USP6NL: variants seen among roughly 807,000 people sequenced by gnomAD.
The protein encoded by USP6NL is USP6 N-terminal-like protein.
Under a neutral mutation model 61.9 loss-of-function variants are expected in USP6NL, and 26 were observed. That is an observed-to-expected ratio of 0.42 (90% CI 0.31 to 0.58). USP6NL has a LOEUF of 0.58. Ranked by LOEUF, USP6NL falls within the 20% of genes least tolerant of loss-of-function variation. The pLI is 0.16. For missense variants in USP6NL, 1,114 were observed against 1,034.3 expected, an observed-to-expected ratio of 1.08 and a Z score of -1.06; for synonymous variants, 432 against 390.1, an observed-to-expected ratio of 1.11 and a Z score of -1.27.
In USP6NL at chr10:11,495,687, G is replaced by A. The variant is rs888534649; in HGVS notation, c.385-2459C>T. The stretch of plus-strand genomic sequence containing the variant: ...ATTCTATACTTGTTTTATGGATGCA[G>A]TATCTATTTTTCTCTGAAGATATTA... On this transcript the variant is annotated intron_variant, in intron 7 of 14. Transcript: ENST00000609104. The surrounding 1 kb of genome is among the most constrained non-coding windows in gnomAD (Gnocchi z 4.6). Among the ~76,000 whole-genome samples, 1 of 152,142 alleles carries A rather than the reference G, an allele frequency of 6.6e-6. No homozygotes were observed. Among genetic ancestry groups the A allele is most frequent in the Non-Finnish European group, 1.5e-5 (1 of 68,026 alleles).
chr10:11,584,712 A>C (rs937145654), intron 2 of USP6NL, among the ~76,000 whole-genome samples: 1 of 152,190 alleles, frequency 6.6e-6, no homozygotes. Context: ...CGAGGCAGGC[A>C]GATCACTCGA....
chr10:11,608,306 G>T (rs766419506), intron 1 of USP6NL, among the ~76,000 whole-genome samples: 7 of 152,228 alleles, frequency 4.6e-5, no homozygotes, highest in Non-Finnish European at 7.3e-5. Context: ...TATGGATACA[G>T]ACGAGTAGAA....
At position 11,468,928 on chromosome 10, in the gene USP6NL, T is replaced by A. The variant is rs1832602380; in HGVS notation, c.1079-5079A>T. 6.6e-6 allele frequency among the ~76,000 whole-genome samples: 1 copy of A among 152,218 alleles called. No homozygotes were observed. The highest frequency in any genetic ancestry group is 1.5e-5 in the Non-Finnish European group (1 of 68,042). Reference sequence around the variant, plus strand: ...AAAATGCAAAGGTATGTGTCATACATACGTAGGAGATTTAATTTTTTAATA... The same window carrying A: ...AAAATGCAAAGGTATGTGTCATACAAACGTAGGAGATTTAATTTTTTAATA... On this transcript the variant is annotated intron_variant, in intron 14 of 14. Coordinates refer to ENST00000609104, the MANE Select transcript of USP6NL (RefSeq NM_014688.5). The surrounding 1 kb of genome is among the most constrained non-coding windows in gnomAD (Gnocchi z 4.5).
chr10:11,587,280 C>A lies in USP6NL; in HGVS notation c.4+10351G>T, dbSNP rs184155015. ...TGTTTTAAAATCGAAGATTCAAACA[C>A]CATGACCCCTAAAATATTTTAAGAA... On this transcript the variant is annotated intron_variant, in intron 2 of 14. Coordinates refer to ENST00000609104, the MANE Select transcript of USP6NL (RefSeq NM_014688.5). The surrounding 1 kb of genome is among the most constrained non-coding windows in gnomAD (Gnocchi z 4.5). Among the ~76,000 whole-genome samples, 147 of 152,252 alleles carry A rather than the reference C, an allele frequency of 9.7e-4. 1 individual carries two copies. The highest frequency in any genetic ancestry group is 6.5e-4 in the Non-Finnish European group (44 of 68,012).
intron 2 of USP6NL, among the ~76,000 whole-genome samples, chr10:11,565,936 T>C (rs374611979): frequency 7.9e-4 from 121 of 152,364 alleles, no homozygotes; most frequent in Admixed American, 1.8e-3. Flanking sequence ...ATTCTTACTC[T>C]TCAACCAGCA....
intron 1 of USP6NL, among the ~76,000 whole-genome samples, chr10:11,605,560 T>C (rs534017472): frequency 6.6e-6 from 1 of 152,310 alleles, no homozygotes; most frequent in South Asian, 2.1e-4. Context: ...AAAAATGTTA[T>C]AGCACTCTGG....
At position 11,462,969 on chromosome 10, in the gene USP6NL, A is replaced by G; in HGVS notation, c.1959T>C (p.Phe653=). ...PKHFPTANSS[F]ASPQFSPGTQ... The stretch of plus-strand genomic sequence containing the variant: ...TCCCAGGGCTAAACTGTGGAGAAGC[A>G]AAGCTGCTGTTGGCAGTAGGGAAGT... The change falls in exon 15 of 15, where the codon TTT becomes TTC. Residue 653 remains phenylalanine, a synonymous_variant. Coordinates refer to ENST00000609104, the MANE Select transcript of USP6NL (RefSeq NM_014688.5). 6.2e-7 allele frequency: 1 copy of G among 1,613,870 alleles called. No homozygotes were observed. The highest frequency in any genetic ancestry group is 8.5e-7 in the Non-Finnish European group (1 of 1,179,828).
intron 2 of USP6NL, among the ~76,000 whole-genome samples, chr10:11,588,821 T>C (rs1052469755): frequency 6.6e-6 from 1 of 152,224 alleles, no homozygotes; most frequent in East Asian, 1.9e-4. Context: ...CTTTTATTTT[T>C]AAGCACAGAG....
At chr10:11,530,761 G>C (rs752132414) in intron 2 of USP6NL, among the ~76,000 whole-genome samples, 2 of 152,214 alleles carry the variant, frequency 1.3e-5, no homozygotes, top group Non-Finnish European at 2.9e-5. Context: ...TCAGTTTAGA[G>C]ACATTATTTT....
At chr10:11,504,604 G>A (rs1834356642) in intron 6 of USP6NL, among the ~76,000 whole-genome samples, 1 of 152,180 alleles carries the variant, frequency 6.6e-6, no homozygotes, top group African/African-American at 2.4e-5. Context: ...AGTGATAGCT[G>A]GTTGTCCTCA....
chr10:11,494,830 G>A (rs1435770897), intron 7 of USP6NL, among the ~76,000 whole-genome samples: 1 of 152,350 alleles, frequency 6.6e-6, no homozygotes, highest in East Asian at 1.9e-4. Flanking sequence ...AGAAGGCAGA[G>A]CCAGGTGTAC....
rs959070261 is a variant in USP6NL, at chr10:11,525,700, C to A, written c.73-232G>T. On this transcript the variant is annotated intron_variant, in intron 3 of 14. Transcript: ENST00000609104. The surrounding 1 kb of genome is among the most constrained non-coding windows in gnomAD (Gnocchi z 5.0). ...TCTGGAAGATGCTGTGTGTCAGCAGCAGCTGACGCGGAGCTGAGCCAGGAT... is the reference window on the plus strand; with the variant it reads ...TCTGGAAGATGCTGTGTGTCAGCAGAAGCTGACGCGGAGCTGAGCCAGGAT... Among the ~76,000 whole-genome samples, 2 of 152,154 alleles carry A rather than the reference C, an allele frequency of 1.3e-5. No homozygotes were observed. Among genetic ancestry groups the A allele is most frequent in the Non-Finnish European group, 2.9e-5 (2 of 68,032 alleles).
At chr10:11,497,098 T>G (rs1482968416) in intron 7 of USP6NL, among the ~76,000 whole-genome samples, 1 of 150,262 alleles carries the variant, frequency 6.7e-6, no homozygotes, top group Non-Finnish European at 1.5e-5. Flanking sequence ...TCCATCTTTT[T>G]TTTTTTTTTT....
intron 2 of USP6NL, among the ~76,000 whole-genome samples, chr10:11,527,979 A>G (rs1365096766): frequency 1.3e-5 from 2 of 152,210 alleles, no homozygotes; most frequent in Non-Finnish European, 2.9e-5. Flanking sequence ...AAACTAGCAC[A>G]AGATACAATA....
At chr10:11,475,281 T>G (rs1832922287) in intron 14 of USP6NL, among the ~76,000 whole-genome samples, 1 of 148,064 alleles carries the variant, frequency 6.8e-6, no homozygotes, top group East Asian at 2.0e-4. Context: ...AAAAACTCTT[T>G]GCTACAGAAG....
Position 11,513,596 on chromosome 10 carries a change from AG to A in USP6NL, c.196-3922del, listed in dbSNP as rs1404601737. Among the ~76,000 whole-genome samples the A allele has an allele frequency of 6.6e-6, 1 of 152,226 alleles. No homozygotes were observed. The highest frequency in any genetic ancestry group is 1.5e-5 in the Non-Finnish European group (1 of 68,030). The stretch of plus-strand genomic sequence containing the variant: ...TTGCTAGATTTCATTTATACTATTT[AG>A]GTTTTTAGGGGGAACTGATCATTAG... On this transcript the variant is annotated intron_variant, in intron 5 of 14. Coordinates refer to ENST00000609104, the MANE Select transcript of USP6NL (RefSeq NM_014688.5). This position sits in a 1 kb window ranked among gnomAD's most constrained non-coding sequence, Gnocchi z 4.7.
chr10:11,543,253 T>C (rs753554529), intron 2 of USP6NL, among the ~76,000 whole-genome samples: 4 of 152,076 alleles, frequency 2.6e-5, no homozygotes, highest in Non-Finnish European at 5.9e-5. Flanking sequence ...GAAACATCTA[T>C]ATAACTGGCC....
chr10:11,569,909 C>T (rs1056825315), intron 2 of USP6NL, among the ~76,000 whole-genome samples: 12 of 152,202 alleles, frequency 7.9e-5, no homozygotes, highest in Admixed American at 7.2e-4. Context: ...CATCTTTACA[C>T]GGATTCTTCA....
chr10:11,481,564 G>T lies in USP6NL; in HGVS notation c.1078+206C>A, dbSNP rs901676518. Among the ~76,000 whole-genome samples the T allele has an allele frequency of 6.6e-6, 1 of 152,202 alleles. No homozygotes were observed. Among genetic ancestry groups the T allele is most frequent in the Non-Finnish European group, 1.5e-5 (1 of 68,046 alleles). On this transcript the variant is annotated intron_variant, in intron 14 of 14. Coordinates refer to ENST00000609104, the MANE Select transcript of USP6NL (RefSeq NM_014688.5). This position sits in a 1 kb window ranked among gnomAD's most constrained non-coding sequence, Gnocchi z 4.4. Reference sequence around the variant, plus strand: ...CAGGAATAGTACAGTCATCTATTAGGAGAGGCAGATTTAATTAATATGTTT... The same window carrying T: ...CAGGAATAGTACAGTCATCTATTAGTAGAGGCAGATTTAATTAATATGTTT...
Sources: allele counts gnomAD v4.1 joint callset (sites outside exome capture counted in the v4.1 genomes callset), GRCh38; gene constraint gnomAD v4.1.1; non-coding constraint Gnocchi (gnomAD v3.1); transcripts MANE v1.5; gene names NCBI Gene and HGNC (gene_info 2026-07-23, HGNC 2026-07-21).